The following GRIN3A variants were observed in gnomAD, a reference collection of about 807,000 sequenced individuals.
GRIN3A encodes the protein glutamate receptor ionotropic, NMDA 3A.
In GRIN3A, 47 loss-of-function variants were observed where a neutral mutation model predicts 92.4. The observed-to-expected ratio is 0.51, with a 90% CI of 0.40 to 0.65. The LOEUF is 0.65. GRIN3A is among the 30% of genes least tolerant of loss of function. The pLI is 0.00. For synonymous variants in GRIN3A, 527 were observed against 540.6 expected (o/e 0.97, Z 0.35); for missense variants, 1,324 against 1,393.1 (o/e 0.95, Z 0.79).
chr9:101,714,225 AT>A (rs1449239173), intron 1 of GRIN3A, among the ~76,000 whole-genome samples: 1 of 152,186 alleles, frequency 6.6e-6, no homozygotes, highest in Admixed American at 6.5e-5. Flanking sequence ...GGATAATTTG[AT>A]TTTTATGAAA....
At chr9:101,662,014 CTTTA>C (rs1398139339) in intron 3 of GRIN3A, among the ~76,000 whole-genome samples, 2 of 151,228 alleles carry the variant, frequency 1.3e-5, no homozygotes, top group South Asian at 4.2e-4. Context: ...TGTTACTATT[CTTTA>C]TTTATTTGAT....
intron 5 of GRIN3A, among the ~76,000 whole-genome samples, chr9:101,618,035 A>G (rs34888126): frequency 0.17 from 25,222 of 151,966 alleles, 2,368 homozygotes; most frequent in Non-Finnish European, 0.21. Context: ...ATTTAAATCA[A>G]TTCAAGATGG....
chr9:101,671,206 T>G lies in GRIN3A; in HGVS notation c.1305-99A>C, dbSNP rs560220398. 47 of 868,612 alleles carry G rather than the reference T, an allele frequency of 5.4e-5. No homozygotes were observed. The Admixed American group carries it at 8.0e-4, about 15-fold the overall frequency. The allele number at this position is 868,612 out of a possible 1,614,324, so 53.8% of individuals were successfully genotyped here. ...CTTCCTTGTCTTAATAAAAATAAAT[T>G]CGAATTTTTATTTAAAAAGACAGTG... On this transcript the variant is annotated intron_variant, in intron 2 of 8. Coordinates refer to ENST00000361820, the MANE Select transcript of GRIN3A (RefSeq NM_133445.3).
At chr9:101,728,717 G>A (rs750085021) in intron 1 of GRIN3A, among the ~76,000 whole-genome samples, 3 of 152,104 alleles carry the variant, frequency 2.0e-5, no homozygotes, top group Non-Finnish European at 4.4e-5. Context: ...CATTAAATGC[G>A]ACTCAGGGTT....
At chr9:101,727,308 C>A (rs1336900804) in intron 1 of GRIN3A, among the ~76,000 whole-genome samples, 1 of 152,108 alleles carries the variant, frequency 6.6e-6, no homozygotes, top group Admixed American at 6.5e-5. Flanking sequence ...AGGATGGCCC[C>A]AATTTTATAA....
intron 3 of GRIN3A, among the ~76,000 whole-genome samples, chr9:101,655,222 A>G (rs2118923859): frequency 6.6e-6 from 1 of 152,008 alleles, no homozygotes; most frequent in Middle Eastern, 3.4e-3. Flanking sequence ...CTTGGGCTAA[A>G]ATTATAATCC....
At chr9:101,592,434 T>A (rs1016570856) in intron 6 of GRIN3A, 8 of 152,178 alleles carry the variant, frequency 5.3e-5, no homozygotes, top group Admixed American at 2.0e-4. Flanking sequence ...AAAATAACCC[T>A]GGGGTGGATC....
At chr9:101,697,789 A>G (rs780066321) in intron 1 of GRIN3A, among the ~76,000 whole-genome samples, 4 of 152,214 alleles carry the variant, frequency 2.6e-5, no homozygotes, top group Non-Finnish European at 5.9e-5. Flanking sequence ...GCAGGAGTGA[A>G]TTAGAGGCAT....
At chr9:101,605,942 G>A (rs574833448) in intron 6 of GRIN3A, among the ~76,000 whole-genome samples, 16 of 152,288 alleles carry the variant, frequency 1.1e-4, no homozygotes, top group Admixed American at 2.6e-4. Flanking sequence ...AGTAAGATAC[G>A]CATTAAACTG....
chr9:101,595,767 C>T (rs1828118801), intron 6 of GRIN3A, among the ~76,000 whole-genome samples: 2 of 152,152 alleles, frequency 1.3e-5, no homozygotes, highest in African/African-American at 4.8e-5. Flanking sequence ...TACTCTGTTC[C>T]CTCTTATCCA....
chr9:101,639,001 C>T (rs1828818715), intron 3 of GRIN3A, among the ~76,000 whole-genome samples: 1 of 152,164 alleles, frequency 6.6e-6, no homozygotes, highest in African/African-American at 2.4e-5. Context: ...CCTCCACATT[C>T]GTCATCTCAT....
intron 6 of GRIN3A, among the ~76,000 whole-genome samples, chr9:101,596,340 A>AT (rs1329364714): frequency 6.6e-6 from 1 of 151,848 alleles, no homozygotes; most frequent in African/African-American, 2.4e-5. Context: ...AGACTGTTAT[A>AT]TTGGAATGTT....
intron 3 of GRIN3A, among the ~76,000 whole-genome samples, chr9:101,667,334 C>T (rs1394260694): frequency 6.6e-6 from 1 of 151,824 alleles, no homozygotes; most frequent in Non-Finnish European, 1.5e-5. Flanking sequence ...GTCCATTTCT[C>T]CTCCCTGGAC....
At chr9:101,646,392 T>C (rs1043143446) in intron 3 of GRIN3A, among the ~76,000 whole-genome samples, 3 of 151,952 alleles carry the variant, frequency 2.0e-5, no homozygotes, top group Non-Finnish European at 2.9e-5. Context: ...TCCATTTTTA[T>C]GTCAGTATTG....
chr9:101,730,768 T>C (rs1210316462), intron 1 of GRIN3A, among the ~76,000 whole-genome samples: 1 of 152,170 alleles, frequency 6.6e-6, no homozygotes, highest in Non-Finnish European at 1.5e-5. Flanking sequence ...ATTTATTCTT[T>C]CTAAAATATG....
intron 3 of GRIN3A, among the ~76,000 whole-genome samples, chr9:101,637,895 A>G (rs1006687587): frequency 1.3e-5 from 2 of 152,172 alleles, no homozygotes; most frequent in Non-Finnish European, 2.9e-5. Context: ...ACAAAAAGTG[A>G]TGTAAGAGTG....
rs550961021 is a variant in GRIN3A, at chr9:101,613,582, C to T, written c.2615-55G>A. 2,962 of 1,546,610 alleles carry T rather than the reference C, an allele frequency of 1.9e-3. 6 individuals are homozygous for T. Among genetic ancestry groups the T allele is most frequent in the Middle Eastern group, 5.6e-3 (33 of 5,870 alleles). On this transcript the variant is annotated intron_variant, in intron 5 of 8. Transcript: ENST00000361820. ...TTTTACACCCTTCCTGAGAGATTGC[C>T]ACCACAGTACATATTTGTGTGATAC...
In GRIN3A at chr9:101,577,786, G is replaced by A. The variant is rs76290435; in HGVS notation, c.2990C>T (p.Thr997Ile). 2 of 1,612,566 alleles carry A rather than the reference G, an allele frequency of 1.2e-6. No individual in the cohort carries two copies. The highest frequency in any genetic ancestry group is 2.7e-5 in the African/African-American group (2 of 74,970). The change falls in exon 8 of 9, where the codon ACC becomes ATC. Residue 997 changes from threonine (T) to isoleucine (I), a missense_variant. Transcript: ENST00000361820. Reference protein sequence around the residue: ...FIEEKQQHFKTKRVEKRSNVG... With the variant: ...FIEEKQQHFKIKRVEKRSNVG... ...TTCTTACCTCTTTTCCACACGTTTG[G>A]TCTTGAAATGCTGCTGCTTTTCCTC...
At chr9:101,615,924 C>A (rs1828445660) in intron 5 of GRIN3A, among the ~76,000 whole-genome samples, 1 of 152,182 alleles carries the variant, frequency 6.6e-6, no homozygotes, top group African/African-American at 2.4e-5. Flanking sequence ...AGTAGCAAGT[C>A]CTCCTACACT....
Sources: allele counts gnomAD v4.1 joint callset (sites outside exome capture counted in the v4.1 genomes callset), GRCh38; gene constraint gnomAD v4.1.1; transcripts MANE v1.5; gene names NCBI Gene and HGNC (gene_info 2026-07-23, HGNC 2026-07-21).